Variants in BACH2 observed in about 807,000 individuals in gnomAD.
The protein encoded by BACH2 is transcription regulator protein BACH2.
BACH2 carries 5 observed loss-of-function variants against 61.8 expected under a neutral mutation model. The ratio of observed to expected loss-of-function variants is 0.08; its 90% CI spans 0.04 to 0.17. The LOEUF is 0.17. BACH2 is among the 10% of genes least tolerant of loss of function. The pLI, the probability that BACH2 is intolerant of heterozygous loss-of-function variation, is 1.00. For missense variants in BACH2, 824 were observed against 1,091.1 expected (o/e 0.76, Z 3.45); for synonymous variants, 446 against 440.1 (o/e 1.01, Z -0.17).
At chr6:90,032,932 C>A (rs1779074356) in intron 5 of BACH2, among the ~76,000 whole-genome samples, 1 of 152,086 alleles carries the variant, frequency 6.6e-6, no homozygotes, top group African/African-American at 2.4e-5. Context: ...GCACTATTCA[C>A]AATAGCAAAG....
chr6:90,144,746 T>A (rs1784562955), intron 4 of BACH2, among the ~76,000 whole-genome samples: 1 of 152,144 alleles, frequency 6.6e-6, no homozygotes, highest in South Asian at 2.1e-4. Context: ...CCTGACACAC[T>A]CCATTTGGGG....
chr6:90,222,796 C>T (rs1158941975), intron 3 of BACH2, among the ~76,000 whole-genome samples: 1 of 152,102 alleles, frequency 6.6e-6, no homozygotes, highest in African/African-American at 2.4e-5. Context: ...ATCATCTGCT[C>T]TTAGTCATCC....
intron 4 of BACH2, among the ~76,000 whole-genome samples, chr6:90,150,639 T>C (rs1360545091): frequency 6.6e-6 from 1 of 152,028 alleles, no homozygotes; most frequent in Admixed American, 6.6e-5. Context: ...GGAAGGAGGA[T>C]AGGCTGTGAA....
At chr6:90,029,607 T>C (rs899320263) in intron 5 of BACH2, among the ~76,000 whole-genome samples, 2 of 152,220 alleles carry the variant, frequency 1.3e-5, no homozygotes, top group Admixed American at 6.5e-5. Context: ...TTTACCTGTT[T>C]TGCTCACCAT....
chr6:89,989,976 A>G (rs1216990811), intron 6 of BACH2, among the ~76,000 whole-genome samples: 1 of 152,244 alleles, frequency 6.6e-6, no homozygotes, highest in Non-Finnish European at 1.5e-5. Context: ...ACTGAAAGAC[A>G]GTCTGTGAAA....
chr6:89,986,625 C>T (rs1776255618), intron 6 of BACH2, among the ~76,000 whole-genome samples: 1 of 152,144 alleles, frequency 6.6e-6, no homozygotes, highest in South Asian at 2.1e-4. Context: ...AAAACCTTTC[C>T]ACCCGCTCTC....
chr6:90,103,027 A>ATTT (rs1163074235), intron 4 of BACH2, among the ~76,000 whole-genome samples: 15 of 24,474 alleles, frequency 6.1e-4, no homozygotes, highest in African/African-American at 1.6e-3. Context: ...ATATATATAT[A>ATTT]TATTTTTTTT....
chr6:89,964,018 G>A (rs1043569888), intron 6 of BACH2, among the ~76,000 whole-genome samples: 2 of 152,110 alleles, frequency 1.3e-5, no homozygotes, highest in African/African-American at 2.4e-5. Context: ...TTCTCACATG[G>A]ACACAGGAAG....
intron 1 of BACH2, among the ~76,000 whole-genome samples, chr6:90,275,561 G>A (rs901051342): frequency 2.0e-5 from 3 of 151,898 alleles, no homozygotes; most frequent in Middle Eastern, 3.4e-3. Context: ...GGTAACTTGC[G>A]TCATGGGGGT....
chr6:90,147,892 C>T (rs1784678523), intron 4 of BACH2, among the ~76,000 whole-genome samples: 1 of 151,642 alleles, frequency 6.6e-6, no homozygotes, highest in Non-Finnish European at 1.5e-5. Flanking sequence ...CATGAATTAC[C>T]CAAAACAGTA....
At chr6:89,989,173 TATTTC>T (rs1203772231) in intron 6 of BACH2, among the ~76,000 whole-genome samples, 2 of 152,234 alleles carry the variant, frequency 1.3e-5, no homozygotes, top group Non-Finnish European at 2.9e-5. Context: ...TTTTCACAAA[TATTTC>T]ATGTGACCTA....
intron 6 of BACH2, among the ~76,000 whole-genome samples, chr6:89,980,862 C>T (rs1300668642): frequency 1.3e-5 from 2 of 150,964 alleles, no homozygotes; most frequent in African/African-American, 2.4e-5. Context: ...TCATCACAAT[C>T]AGGTGTCATA....
chr6:90,286,983 C>T (rs2127889893), intron 1 of BACH2, among the ~76,000 whole-genome samples: 1 of 152,128 alleles, frequency 6.6e-6, no homozygotes, highest in Admixed American at 6.5e-5. Flanking sequence ...AGGGCAGTTC[C>T]CCGCTAGACA....
intron 6 of BACH2, among the ~76,000 whole-genome samples, chr6:89,978,633 T>A (rs1362381092): frequency 3.5e-5 from 3 of 86,054 alleles, no homozygotes; most frequent in Non-Finnish European, 4.5e-5. Context: ...GTGTTGGCTT[T>A]AAAAAAAAAA....
intron 1 of BACH2, among the ~76,000 whole-genome samples, chr6:90,276,690 A>G (rs946138127): frequency 1.3e-5 from 2 of 152,180 alleles, no homozygotes; most frequent in Non-Finnish European, 2.9e-5. Context: ...TTTGGAATGT[A>G]CCTTCCTGCC....
intron 2 of BACH2, among the ~76,000 whole-genome samples, chr6:90,262,317 A>G (rs1009925669): frequency 6.6e-6 from 1 of 152,094 alleles, no homozygotes; most frequent in Non-Finnish European, 1.5e-5. Context: ...CATTCTTTCA[A>G]TGTTTGGTTT....
chr6:90,160,219 C>CT (rs1785143516), intron 4 of BACH2, among the ~76,000 whole-genome samples: 1 of 152,168 alleles, frequency 6.6e-6, no homozygotes, highest in South Asian at 2.1e-4. Context: ...CACGTGAGGC[C>CT]TTAGACAATA....
intron 6 of BACH2, among the ~76,000 whole-genome samples, chr6:90,006,539 G>A (rs551054673): frequency 6.6e-6 from 1 of 152,340 alleles, no homozygotes; most frequent in East Asian, 1.9e-4. Context: ...GGTATGTGGA[G>A]TGGTAATGGA....
chr6:89,998,803 C>T (rs1469489090), intron 6 of BACH2, among the ~76,000 whole-genome samples: 2 of 152,012 alleles, frequency 1.3e-5, no homozygotes, highest in South Asian at 2.1e-4. Flanking sequence ...AACCAAGATT[C>T]CAGGTGTTCT....
Sources: gnomAD v4.1 joint callset for allele counts (sites outside exome capture counted in the v4.1 genomes callset) on GRCh38, gnomAD v4.1.1 for gene constraint, MANE v1.5 for transcripts, NCBI Gene and HGNC (gene_info 2026-07-23, HGNC 2026-07-21) for gene names.